RPIA: variants seen among roughly 807,000 people sequenced by gnomAD.
The protein encoded by RPIA is ribose-5-phosphate isomerase.
Under a neutral mutation model 37.8 loss-of-function variants are expected in RPIA, and 29 were observed. The observed-to-expected ratio is 0.77, with a 90% CI of 0.57 to 1.05. The LOEUF (loss-of-function observed/expected upper bound fraction) is 1.05, where lower values mean the gene tolerates loss of function less well. Ranked by LOEUF, RPIA falls within the 50% of genes least tolerant of loss-of-function variation. The probability of loss-of-function intolerance (pLI) is 0.00; values close to 1 mark genes in which losing one functional copy is unlikely to be tolerated. For synonymous variants in RPIA, 167 were observed against 157.0 expected (o/e 1.06, Z -0.48); for missense variants, 385 against 413.6 (o/e 0.93, Z 0.60).
intron 3 of RPIA, among the ~76,000 whole-genome samples, chr2:88,715,440 T>A (rs1402290357): frequency 1.3e-5 from 2 of 152,226 alleles, no homozygotes; most frequent in African/African-American, 4.8e-5. Flanking sequence ...CAATGGGGGA[T>A]GCAATTAATT....
chr2:88,747,636 A>G (rs778375434), intron 8 of RPIA, among the ~76,000 whole-genome samples: 5 of 152,136 alleles, frequency 3.3e-5, no homozygotes, highest in Non-Finnish European at 7.4e-5. Flanking sequence ...GGAAGTGTCT[A>G]CAGGGCTCTT....
In RPIA at chr2:88,729,308, A is replaced by G; in HGVS notation, c.433A>G (p.Thr145Ala). Residue 145 changes from threonine (T) to alanine (A), a missense_variant, in exon 4 of 9, where the codon ACC becomes GCC. By Grantham distance (58) the Thr-to-Ala change is moderately conservative. Around this residue, in one of 2 missense-constraint regions of RPIA, gnomAD observed 232 missense variants for 203.0 expected, o/e 1.14. Transcript: ENST00000283646. ...CCAGCTCATCCTGCAGTATGGCTTG[A>G]CCCTCAGTGATCTGGATCGACACCC... ...ARQLILQYGL[T>A]LSDLDRHPEI... 6.2e-7 allele frequency: 1 copy of G among 1,614,108 alleles called. No homozygotes were observed. Among genetic ancestry groups the G allele is most frequent in the Non-Finnish European group, 8.5e-7 (1 of 1,180,026 alleles).
At chr2:88,738,474 C>G (rs971188065) in intron 8 of RPIA, among the ~76,000 whole-genome samples, 1 of 152,164 alleles carries the variant, frequency 6.6e-6, no homozygotes, top group Non-Finnish European at 1.5e-5. Context: ...AATCCACATT[C>G]ATTGGATGCA....
At chr2:88,693,098 C>T (rs1010009790) in intron 1 of RPIA, among the ~76,000 whole-genome samples, 3 of 152,174 alleles carry the variant, frequency 2.0e-5, no homozygotes, top group African/African-American at 7.2e-5. Context: ...GGATTCAGTG[C>T]CTCCGTTGTA....
chr2:88,709,756 AT>A (rs1214998021), intron 3 of RPIA, among the ~76,000 whole-genome samples: 2 of 152,232 alleles, frequency 1.3e-5, no homozygotes, highest in Admixed American at 1.3e-4. Context: ...TTTAAAAAAA[AT>A]ATAGCCACCT....
intron 3 of RPIA, among the ~76,000 whole-genome samples, chr2:88,705,571 G>A (rs1220997972): frequency 1.3e-5 from 2 of 152,164 alleles, no homozygotes; most frequent in East Asian, 1.9e-4. Flanking sequence ...GATGGATTAA[G>A]GAACTTAAAT....
In RPIA at chr2:88,750,505, G is replaced by A. The variant is rs1466242413; in HGVS notation, c.*427G>A. 4.7e-6 allele frequency: 2 copies of A among 422,032 alleles called. No individual in the cohort carries two copies. Among genetic ancestry groups the A allele is most frequent in the Non-Finnish European group, 8.3e-6 (2 of 239,592 alleles). The allele number at this position is 422,032 out of a possible 1,614,324, so 26.1% of individuals were successfully genotyped here. ...GGCCCACCAGCAGTGATCTCCTGAT[G>A]CCTTACTGGAAACTTTGTTTACTTG... On this transcript the variant is annotated 3_prime_UTR_variant, in exon 9 of 9. Coordinates refer to ENST00000283646, the MANE Select transcript of RPIA (RefSeq NM_144563.3).
chr2:88,748,677 A>G (rs1673466294), intron 8 of RPIA, among the ~76,000 whole-genome samples: 1 of 152,112 alleles, frequency 6.6e-6, no homozygotes, highest in Non-Finnish European at 1.5e-5. Flanking sequence ...TGTGTGAAAA[A>G]AAGTTTATAT....
Position 88,691,800 on chromosome 2 carries a change from G to A in RPIA, c.102G>A (p.Trp34Ter). Residue 34 changes from tryptophan to a stop codon, truncating the protein, a stop_gained, in exon 1 of 9, where the codon TGG becomes TGA. Transcript: ENST00000283646. LOFTEE classifies it high-confidence loss of function. ...CCTCCGGCGGAGGAGGGAACAGCTG[G>A]GACCTCCCGGGTTCCCACGTGCGGC... ...GAASGGGGNS[W>*]DLPGSHVRLP... is the part of the protein sequence containing the mutation. 1 of 1,594,556 alleles carries A rather than the reference G, an allele frequency of 6.3e-7. No homozygotes were observed. The highest frequency in any genetic ancestry group is 8.5e-7 in the Non-Finnish European group (1 of 1,173,168).
intron 3 of RPIA, among the ~76,000 whole-genome samples, chr2:88,718,144 T>C (rs1673058848): frequency 6.6e-6 from 1 of 152,144 alleles, no homozygotes; most frequent in African/African-American, 2.4e-5. Context: ...CAAGAAAAAT[T>C]AGAATTTGGT....
intron 3 of RPIA, among the ~76,000 whole-genome samples, chr2:88,710,577 T>A (rs74453258): frequency 1.6e-3 from 239 of 152,334 alleles, no homozygotes; most frequent in African/African-American, 5.5e-3. Flanking sequence ...TCCTCCCAGT[T>A]GTGCACGTAA....
intron 2 of RPIA, 146 bp from the exon 3 acceptor site, chr2:88,699,863 C>T: frequency 1.2e-6 from 1 of 812,290 alleles, no homozygotes; most frequent in Non-Finnish European, 2.1e-6. Context: ...ACCAACTTTC[C>T]CACCAAGGAG....
chr2:88,737,909 C>G, intron 7 of RPIA, 68 bp from the exon 8 acceptor site: 4 of 1,178,246 alleles, frequency 3.4e-6, no homozygotes, highest in Non-Finnish European at 5.1e-6. Flanking sequence ...GTTATCCCCT[C>G]TACTTTCCTG....
At chr2:88,701,250 C>CT (rs566674003) in intron 3 of RPIA, among the ~76,000 whole-genome samples, 49,116 of 141,434 alleles carry the variant, frequency 0.35, 8,588 homozygotes, top group Admixed American at 0.39. Context: ...TTTTATATAG[C>CT]TTTTTTTTTT....
intron 1 of RPIA, among the ~76,000 whole-genome samples, chr2:88,697,350 T>C (rs187503229): frequency 5.2e-5 from 8 of 152,392 alleles, no homozygotes; most frequent in African/African-American, 1.9e-4. Flanking sequence ...TTAACATTTA[T>C]AAGTCTTCTT....
intron 3 of RPIA, among the ~76,000 whole-genome samples, chr2:88,705,798 A>T (rs751025294): frequency 6.6e-6 from 1 of 152,218 alleles, no homozygotes; most frequent in Non-Finnish European, 1.5e-5. Flanking sequence ...AAATTTTTGC[A>T]ATCTATCCAT....
Position 88,721,451 on chromosome 2 carries a change from AAT to A in RPIA, c.403-7823_403-7822del, listed in dbSNP as rs1673125971. Among the ~76,000 whole-genome samples the A allele has an allele frequency of 3.4e-5, 5 of 148,076 alleles. No homozygotes were observed. In the South Asian group the frequency reaches 1.1e-3, roughly 31 times the overall value. On this transcript the variant is annotated intron_variant, in intron 3 of 8. Coordinates refer to ENST00000283646, the MANE Select transcript of RPIA (RefSeq NM_144563.3). ...TAATCATATTTAATATAATTAGTAT[AAT>A]ATAAAATACAACATATTAGTATATT...
At position 88,721,544 on chromosome 2, in the gene RPIA, TAC is replaced by T. The variant is rs748522109; in HGVS notation, c.403-7707_403-7706del. 6.2e-3 allele frequency among the ~76,000 whole-genome samples: 516 copies of T among 82,854 alleles called. 8 individuals are homozygous for T. Among genetic ancestry groups the T allele is most frequent in the Middle Eastern group, 8.2e-3 (1 of 122 alleles). The allele number at this position is 82,854 out of a possible 152,430, so 54.4% of individuals were successfully genotyped here. On this transcript the variant is annotated intron_variant, in intron 3 of 8. Coordinates refer to ENST00000283646, the MANE Select transcript of RPIA (RefSeq NM_144563.3). ...ATAGATATATTTTAGATATATATTA[TAC>T]ACACACACACACACACACACACACA...
intron 3 of RPIA, among the ~76,000 whole-genome samples, chr2:88,703,671 G>A (rs1256938395): frequency 6.6e-6 from 1 of 152,164 alleles, no homozygotes; most frequent in Non-Finnish European, 1.5e-5. Context: ...TGATGGGAGG[G>A]GCTTCCATGA....
Sources: allele counts gnomAD v4.1 joint callset (sites outside exome capture counted in the v4.1 genomes callset), GRCh38; gene constraint gnomAD v4.1.1; regional missense constraint gnomAD v4.1.1; transcripts MANE v1.5; gene names NCBI Gene and HGNC (gene_info 2026-07-23, HGNC 2026-07-21).